The following AKAP7 variants were observed in gnomAD, a reference collection of about 807,000 sequenced individuals.
AKAP7 encodes the protein A kinase (PRKA) anchor protein 7.
AKAP7 carries 39 observed loss-of-function variants against 39.5 expected under a neutral mutation model. The observed-to-expected ratio is 0.99, with a 90% CI of 0.76 to 1.29. The LOEUF is 1.29. AKAP7 is among the 50% of genes most tolerant of loss of function. The pLI is 0.00. For synonymous variants in AKAP7, 140 were observed against 139.1 expected (o/e 1.01, Z -0.05); for missense variants, 414 against 407.7 (o/e 1.02, Z -0.13).
chr6:131,251,695 T>C (rs772922455), intron 7 of AKAP7, among the ~76,000 whole-genome samples: 1 of 152,240 alleles, frequency 6.6e-6, no homozygotes, highest in Non-Finnish European at 1.5e-5. Context: ...GAGCATTTGA[T>C]TGTTAACAAG....
chr6:131,235,055 C>G (rs146514670), intron 7 of AKAP7, among the ~76,000 whole-genome samples: 1,794 of 152,144 alleles, frequency 0.012, 14 homozygotes, highest in Non-Finnish European at 0.019. Context: ...ATCCCTCCCC[C>G]ACTCCTCCCA....
chr6:131,204,421 A>G (rs2050454445), intron 6 of AKAP7, among the ~76,000 whole-genome samples: 2 of 152,236 alleles, frequency 1.3e-5, no homozygotes, highest in South Asian at 4.1e-4. Context: ...CTATCCTATA[A>G]AATGTATACT....
At chr6:131,232,853 T>C (rs756459947) in intron 7 of AKAP7, among the ~76,000 whole-genome samples, 2 of 151,662 alleles carry the variant, frequency 1.3e-5, no homozygotes, top group Non-Finnish European at 2.9e-5. Context: ...TATAGAATAC[T>C]TATTGCAATG....
At chr6:131,159,221 G>A (rs1802707268) in intron 2 of AKAP7, among the ~76,000 whole-genome samples, 1 of 152,078 alleles carries the variant, frequency 6.6e-6, no homozygotes, top group Admixed American at 6.5e-5. Context: ...AGCCTCCTGA[G>A]GAGCTGGGAC....
At chr6:131,239,415 T>C (rs538334546) in intron 7 of AKAP7, among the ~76,000 whole-genome samples, 58 of 152,306 alleles carry the variant, frequency 3.8e-4, no homozygotes, top group African/African-American at 1.3e-3. Flanking sequence ...GAGTATCTTT[T>C]TGGCGTTCTC....
At chr6:131,146,059 A>G (rs1306252210) in intron 2 of AKAP7, among the ~76,000 whole-genome samples, 4 of 152,176 alleles carry the variant, frequency 2.6e-5, no homozygotes, top group African/African-American at 9.7e-5. Context: ...AGCAGTACCC[A>G]TTTATCTAAC....
intron 2 of AKAP7, among the ~76,000 whole-genome samples, chr6:131,153,907 C>T (rs1802170617): frequency 6.6e-6 from 1 of 152,046 alleles, no homozygotes; most frequent in African/African-American, 2.4e-5. Flanking sequence ...CCATTCCATT[C>T]TTTAAAAAGT....
intron 6 of AKAP7, among the ~76,000 whole-genome samples, chr6:131,215,194 C>T (rs1402961788): frequency 1.3e-5 from 2 of 152,112 alleles, no homozygotes; most frequent in Non-Finnish European, 2.9e-5. Flanking sequence ...CTTATATTTC[C>T]GCTGGAAACT....
At chr6:131,255,495 G>A (rs1341516214) in intron 7 of AKAP7, among the ~76,000 whole-genome samples, 1 of 152,158 alleles carries the variant, frequency 6.6e-6, no homozygotes, top group Admixed American at 6.6e-5. Context: ...CCCATCAAAG[G>A]ACAGTGACAC....
chr6:131,207,615 G>A (rs1808253869), intron 6 of AKAP7, among the ~76,000 whole-genome samples: 1 of 148,950 alleles, frequency 6.7e-6, no homozygotes, highest in Non-Finnish European at 1.5e-5. Flanking sequence ...GATTACAGAT[G>A]TGAGCAACTG....
At chr6:131,183,293 T>C (rs1222832330) in intron 5 of AKAP7, among the ~76,000 whole-genome samples, 1 of 151,644 alleles carries the variant, frequency 6.6e-6, no homozygotes, top group South Asian at 2.1e-4. Context: ...GGAATCAGAG[T>C]GTGAAGACCT....
At chr6:131,276,702 AT>A (rs1352129846) in intron 7 of AKAP7, among the ~76,000 whole-genome samples, 2 of 152,156 alleles carry the variant, frequency 1.3e-5, no homozygotes, top group African/African-American at 4.8e-5. Flanking sequence ...AGAACTTTTA[AT>A]GTTTTCATGT....
intron 7 of AKAP7, among the ~76,000 whole-genome samples, chr6:131,230,016 A>G (rs1810506217): frequency 6.6e-6 from 1 of 152,168 alleles, no homozygotes; most frequent in Non-Finnish European, 1.5e-5. Context: ...GGTTGATTCC[A>G]TGTCTTTGCT....
At chr6:131,275,043 AG>A (rs1296091140) in intron 7 of AKAP7, among the ~76,000 whole-genome samples, 2 of 152,198 alleles carry the variant, frequency 1.3e-5, no homozygotes, top group East Asian at 3.8e-4. Context: ...TCATCCTCCT[AG>A]ACTGACTTGT....
intron 5 of AKAP7, among the ~76,000 whole-genome samples, chr6:131,183,079 C>T (rs1341243830): frequency 6.6e-6 from 1 of 152,080 alleles, no homozygotes; most frequent in Non-Finnish European, 1.5e-5. Flanking sequence ...GGAGATAAAC[C>T]ATCCAGCAGA....
chr6:131,154,312 A>G (rs1802218972), intron 2 of AKAP7, among the ~76,000 whole-genome samples: 2 of 152,172 alleles, frequency 1.3e-5, no homozygotes, highest in Non-Finnish European at 2.9e-5. Context: ...CGGTAGGTTT[A>G]TGAGTCTCAA....
chr6:131,224,730 CTTTTTTTTT>C (rs779047229), intron 7 of AKAP7, among the ~76,000 whole-genome samples: 20 of 55,108 alleles, frequency 3.6e-4, no homozygotes, highest in South Asian at 1.3e-3. Context: ...AGTTGATTCA[CTTTTTTTTT>C]TTTTTTTTTT....
chr6:131,264,709 T>C (rs1813638932), intron 7 of AKAP7, among the ~76,000 whole-genome samples: 1 of 152,158 alleles, frequency 6.6e-6, no homozygotes, highest in South Asian at 2.1e-4. Context: ...CTGGGTAATT[T>C]ATAAAGAAAA....
chr6:131,152,205 C>T (rs1308856898), intron 2 of AKAP7, among the ~76,000 whole-genome samples: 1 of 152,150 alleles, frequency 6.6e-6, no homozygotes, highest in Non-Finnish European at 1.5e-5. Context: ...CAACTGATGA[C>T]TTTTTTGCTA....
Sources: allele counts gnomAD v4.1 joint callset (sites outside exome capture counted in the v4.1 genomes callset), GRCh38; gene constraint gnomAD v4.1.1; transcripts MANE v1.5; gene names NCBI Gene and HGNC (gene_info 2026-07-23, HGNC 2026-07-21).